Variants in TCF20 observed in about 807,000 individuals in gnomAD.
TCF20 encodes transcription factor 20.
Under a neutral mutation model 148.6 loss-of-function variants are expected in TCF20, and 3 were observed. The ratio of observed to expected loss-of-function variants is 0.02; its 90% CI spans 0.01 to 0.05. The LOEUF is 0.05. Among genes scored for constraint, TCF20 ranks in the 10% least tolerant of loss-of-function variants. The probability of loss-of-function intolerance (pLI) is 1.00; values close to 1 mark genes in which losing one functional copy is unlikely to be tolerated. For missense variants in TCF20, 2,350 were observed against 2,429.3 expected, an observed-to-expected ratio of 0.97 and a Z score of 0.69; for synonymous variants, 1,049 against 909.5, an observed-to-expected ratio of 1.15 and a Z score of -2.76.
chr22:42,235,055 T>G (rs186565886), intron 1 of TCF20, among the ~76,000 whole-genome samples: 1 of 151,712 alleles, frequency 6.6e-6, no homozygotes, highest in Non-Finnish European at 1.5e-5. Flanking sequence ...GGCAGGAGAA[T>G]TGCTTGAGCC....
At chr22:42,258,818 G>A (rs1259471984) in intron 1 of TCF20, among the ~76,000 whole-genome samples, 2 of 152,010 alleles carry the variant, frequency 1.3e-5, no homozygotes, top group Non-Finnish European at 2.9e-5. Flanking sequence ...GACTTAGGAC[G>A]GATGGGTTTA....
At chr22:42,280,902 A>G (rs1330501750) in intron 1 of TCF20, among the ~76,000 whole-genome samples, 1 of 152,182 alleles carries the variant, frequency 6.6e-6, no homozygotes, top group Admixed American at 6.5e-5. Flanking sequence ...ACAAAGACTC[A>G]CAGAGGGCAG....
intron 1 of TCF20, among the ~76,000 whole-genome samples, chr22:42,248,837 T>C (rs996567266): frequency 6.6e-6 from 1 of 152,226 alleles, no homozygotes; most frequent in East Asian, 1.9e-4. Flanking sequence ...AAATTAAGTA[T>C]GGTTTAAGGA....
rs543975782 is a variant in TCF20, at chr22:42,181,244, C to A, written c.5656-1542G>T. Among the ~76,000 whole-genome samples, 3 of 152,140 alleles carry A rather than the reference C, an allele frequency of 2.0e-5. No individual in the cohort carries two copies. In the East Asian group the frequency reaches 5.8e-4, roughly 29 times the overall value. ...TGTCGCCCAGGCTGGAGTGCAGTAG[C>A]GCAATCTTGGCTCACTGCAACCTCT... On this transcript the variant is annotated intron_variant, in intron 2 of 5. Transcript: ENST00000677622.
chr22:42,266,082 T>TAA (rs134876), intron 1 of TCF20, among the ~76,000 whole-genome samples: 7 of 141,562 alleles, frequency 4.9e-5, no homozygotes, highest in South Asian at 4.4e-4. Context: ...GCTTTAAAAT[T>TAA]AAAAAAAAAA....
chr22:42,254,970 A>AAAAAAAC (rs1925646541), intron 1 of TCF20, among the ~76,000 whole-genome samples: 1 of 150,858 alleles, frequency 6.6e-6, no homozygotes, highest in Non-Finnish European at 1.5e-5. Flanking sequence ...AAAAAAAAAA[A>AAAAAAAC]AAAAAAAAAG....
chr22:42,165,042 G>T (rs1411603617), intron 5 of TCF20, among the ~76,000 whole-genome samples: 2 of 152,210 alleles, frequency 1.3e-5, no homozygotes, highest in Non-Finnish European at 2.9e-5. Flanking sequence ...GCCTAATGAA[G>T]ATTGCACTTG....
chr22:42,246,518 A>T (rs546299375), intron 1 of TCF20, among the ~76,000 whole-genome samples: 39 of 152,194 alleles, frequency 2.6e-4, no homozygotes, highest in Non-Finnish European at 4.9e-4. Flanking sequence ...CCAAAACTAA[A>T]TACCATTGTT....
At position 42,292,284 on chromosome 22, in the gene TCF20, C is replaced by G. The variant is rs1011540621; in HGVS notation, c.-37+51195G>C. Among the ~76,000 whole-genome samples, 1 of 152,176 alleles carries G rather than the reference C, an allele frequency of 6.6e-6. No individual in the cohort carries two copies. The highest frequency in any genetic ancestry group is 2.4e-5 in the African/African-American group (1 of 41,430). On this transcript the variant is annotated intron_variant, in intron 1 of 1. Transcript: ENST00000515426. The surrounding 1 kb of genome is among the most constrained non-coding windows in gnomAD (Gnocchi z 4.9). ...ATACCTTACAGTTCCCAGGGTTGGGCCTGCGTGTTCCGTGTCCTGATCCGC... is the reference window on the plus strand; with the variant it reads ...ATACCTTACAGTTCCCAGGGTTGGGGCTGCGTGTTCCGTGTCCTGATCCGC...
At chr22:42,238,319 T>C (rs1437556169) in intron 1 of TCF20, among the ~76,000 whole-genome samples, 1 of 152,218 alleles carries the variant, frequency 6.6e-6, no homozygotes, top group African/African-American at 2.4e-5. Flanking sequence ...AAAGAGAAAG[T>C]CTTGCTCTGG....
At chr22:42,261,186 TTTTG>T in intron 1 of TCF20, among the ~76,000 whole-genome samples, 1 of 152,354 alleles carries the variant, frequency 6.6e-6, no homozygotes, top group South Asian at 2.1e-4. Context: ...GTTTGTTCCT[TTTTG>T]TTTGTGGTCT....
chr22:42,300,036 G>A (rs1195894382), intron 1 of TCF20, among the ~76,000 whole-genome samples: 2 of 152,154 alleles, frequency 1.3e-5, no homozygotes, highest in African/African-American at 2.4e-5. Context: ...AAGCAGTCAC[G>A]TGCAGCCTGG....
At chr22:42,329,699 G>A (rs1273445674) in intron 1 of TCF20, among the ~76,000 whole-genome samples, 6 of 152,210 alleles carry the variant, frequency 3.9e-5, no homozygotes, top group Admixed American at 2.6e-4. Flanking sequence ...AGCCACAGAC[G>A]GTGGCAGAGA....
At chr22:42,171,540 G>A (rs1156742004) in intron 3 of TCF20, among the ~76,000 whole-genome samples, 1 of 152,154 alleles carries the variant, frequency 6.6e-6, no homozygotes, top group Non-Finnish European at 1.5e-5. Context: ...AGCCTTCTTG[G>A]CTCCGTGGGC....
At position 42,212,706 on chromosome 22, in the gene TCF20, A is replaced by C; in HGVS notation, c.2600T>G (p.Ile867Ser). The change falls in exon 2 of 6, where the codon ATC (isoleucine) becomes AGC (serine). Residue 867 changes from isoleucine (I) to serine (S), a missense_variant. Coordinates refer to ENST00000677622, the MANE Select transcript of TCF20 (RefSeq NM_001378418.1). Reference protein sequence around the residue: ...GGSLSERRSVICDISPLRQIV... With the variant: ...GGSLSERRSVSCDISPLRQIV... The stretch of plus-strand genomic sequence containing the variant: ...CTGTCTTAGTGGAGAAATATCACAG[A>C]TCACTGATCTTCTTTCAGAGAGGGA... 2 of 1,614,200 alleles carry C rather than the reference A, an allele frequency of 1.2e-6. No individual in the cohort carries two copies. Among genetic ancestry groups the C allele is most frequent in the Non-Finnish European group, 1.7e-6 (2 of 1,180,042 alleles).
chr22:42,317,654 G>T lies in TCF20; in HGVS notation c.-37+25825C>A, dbSNP rs1601704633. Among the ~76,000 whole-genome samples, 1 of 152,240 alleles carries T rather than the reference G, an allele frequency of 6.6e-6. No individual in the cohort carries two copies. Among genetic ancestry groups the T allele is most frequent in the Admixed American group, 6.5e-5 (1 of 15,290 alleles). ...CCTGCATTCCCGCTGGGGGCTGGGGGGGAAAGGGGTGTAGACTCAGCCGCA... is the reference window on the plus strand; with the variant it reads ...CCTGCATTCCCGCTGGGGGCTGGGGTGGAAAGGGGTGTAGACTCAGCCGCA... On this transcript the variant is annotated intron_variant, in intron 1 of 1. Coordinates refer to the TCF20 transcript ENST00000515426. This position sits in a 1 kb window ranked among gnomAD's most constrained non-coding sequence, Gnocchi z 4.2.
At chr22:42,240,420 A>C (rs1924292230) in intron 1 of TCF20, among the ~76,000 whole-genome samples, 1 of 152,248 alleles carries the variant, frequency 6.6e-6, no homozygotes, top group Non-Finnish European at 1.5e-5. Context: ...TTTCAAGGTT[A>C]ATGTTAGAAT....
chr22:42,334,853 A>G (rs1928038568), intron 1 of TCF20, among the ~76,000 whole-genome samples: 1 of 152,180 alleles, frequency 6.6e-6, no homozygotes, highest in African/African-American at 2.4e-5. Flanking sequence ...TGTCCGTCCC[A>G]TGGGACTTTT....
Position 42,210,808 on chromosome 22 carries a change from C to T in TCF20, c.4498G>A (p.Val1500Met). 6.2e-7 allele frequency: 1 copy of T among 1,614,204 alleles called. No homozygotes were observed. Reference protein sequence around the residue: ...IFPDSKNVPPVGILAPEANPK... With the variant: ...IFPDSKNVPPMGILAPEANPK... Reference sequence around the variant, plus strand: ...TTTGCCTCAGGGGCCAATATGCCCACTGGAGGTACATTCTTTGAGTCTGGA... The same window carrying T: ...TTTGCCTCAGGGGCCAATATGCCCATTGGAGGTACATTCTTTGAGTCTGGA... The change falls in exon 2 of 6, where the codon GTG becomes ATG. Residue 1500 changes from valine to methionine, a missense_variant. Val to Met is a conservative substitution (Grantham distance 21). Around this residue, in one of 7 missense-constraint regions of TCF20, gnomAD observed 231 missense variants for 213.7 expected, o/e 1.08. Coordinates refer to ENST00000677622, the MANE Select transcript of TCF20 (RefSeq NM_001378418.1). This position sits in a 1 kb window ranked among gnomAD's most constrained non-coding sequence, Gnocchi z 4.7.
Sources: gnomAD v4.1 joint callset for allele counts (sites outside exome capture counted in the v4.1 genomes callset) on GRCh38, gnomAD v4.1.1 for gene constraint, gnomAD v4.1.1 regional missense constraint, Gnocchi (gnomAD v3.1) non-coding constraint, MANE v1.5 for transcripts, NCBI Gene and HGNC (gene_info 2026-07-23, HGNC 2026-07-21) for gene names.